Variants in DIP2B observed in about 807,000 individuals in gnomAD.
DIP2B encodes disco-interacting protein 2 homolog B.
A neutral mutation model predicts 198.0 loss-of-function variants in DIP2B; 76 were observed. The ratio of observed to expected loss-of-function variants is 0.38; its 90% CI spans 0.32 to 0.46. The LOEUF is 0.46. Ranked by LOEUF, DIP2B falls within the 20% of genes least tolerant of loss-of-function variation. The pLI, the probability that DIP2B is intolerant of heterozygous loss-of-function variation, is 0.99. For synonymous variants in DIP2B, 701 were observed against 739.1 expected (o/e 0.95, Z 0.84); for missense variants, 1,559 against 1,978.4 (o/e 0.79, Z 4.02).
intron 1 of DIP2B, among the ~76,000 whole-genome samples, chr12:50,545,565 T>TA (rs1465640990): frequency 1.3e-5 from 2 of 152,000 alleles, no homozygotes; most frequent in East Asian, 3.9e-4. Flanking sequence ...TTTTTACAGA[T>TA]AGTGTCTTGC....
chr12:50,736,542 CT>C (rs1384688563), intron 34 of DIP2B, among the ~76,000 whole-genome samples: 2 of 152,094 alleles, frequency 1.3e-5, no homozygotes, highest in African/African-American at 4.8e-5. Flanking sequence ...CAAGGATATC[CT>C]TCTGTCCTGC....
intron 1 of DIP2B, among the ~76,000 whole-genome samples, chr12:50,581,451 C>T (rs1023922562): frequency 7.4e-5 from 11 of 149,354 alleles, no homozygotes; most frequent in African/African-American, 2.7e-4. Context: ...TTCTTTCCGG[C>T]TGTATGCTGT....
At chr12:50,536,460 G>GA (rs1173600866) in intron 1 of DIP2B, among the ~76,000 whole-genome samples, 4 of 151,934 alleles carry the variant, frequency 2.6e-5, no homozygotes, top group Non-Finnish European at 5.9e-5. Flanking sequence ...TAAGAAAGAA[G>GA]AAAAAATCAA....
At chr12:50,657,971 T>C (rs1403769472) in intron 3 of DIP2B, among the ~76,000 whole-genome samples, 2 of 151,932 alleles carry the variant, frequency 1.3e-5, no homozygotes, top group Non-Finnish European at 2.9e-5. Flanking sequence ...TGTATCAATG[T>C]TGAATTTCTG....
intron 22 of DIP2B, among the ~76,000 whole-genome samples, chr12:50,709,425 G>A (rs1939572259): frequency 6.6e-6 from 1 of 151,886 alleles, no homozygotes; most frequent in African/African-American, 2.4e-5. Context: ...GAGGTCAGGA[G>A]ATCGAGACCA....
chr12:50,641,004 C>A, intron 3 of DIP2B, 152 bp downstream of exon 3: 2 of 1,014,030 alleles, frequency 2.0e-6, no homozygotes, highest in Non-Finnish European at 2.8e-6. Flanking sequence ...TATTTTGTAC[C>A]CTACTATGTA....
rs1940202928 is a variant in DIP2B, at chr12:50,739,580, A to G, written c.4348A>G (p.Thr1450Ala). 3 of 1,613,286 alleles carry G rather than the reference A, an allele frequency of 1.9e-6. No individual in the cohort carries two copies. Among genetic ancestry groups the G allele is most frequent in the Non-Finnish European group, 2.5e-6 (3 of 1,179,306 alleles). Reference sequence around the variant, plus strand: ...CCGCCGGACCGAGCTCACAGCGGCCACTGGAGGTACTTCTGCAACAACTCC... The same window carrying G: ...CCGCCGGACCGAGCTCACAGCGGCCGCTGGAGGTACTTCTGCAACAACTCC... The part of the protein sequence containing the change: ...FVRRTELTAA[T>A]GERHDALYVV... The change falls in exon 36 of 38, where the codon ACT (threonine) becomes GCT (alanine). Residue 1450 changes from threonine (T) to alanine (A), a missense_variant. Transcript: ENST00000301180.
chr12:50,744,518 G>C, intron 37 of DIP2B, 69 bp from the exon 38 acceptor site: 1 of 1,590,692 alleles, frequency 6.3e-7, no homozygotes, highest in African/African-American at 1.3e-5. Flanking sequence ...GGCTAAGTCT[G>C]GGACAGATGC....
chr12:50,513,381 C>T (rs1022404773), intron 1 of DIP2B, among the ~76,000 whole-genome samples: 2 of 152,094 alleles, frequency 1.3e-5, no homozygotes, highest in South Asian at 2.1e-4. Context: ...ACAGACATCT[C>T]GCATATGTAC....
At chr12:50,678,480 G>A (rs938785503) in intron 7 of DIP2B, among the ~76,000 whole-genome samples, 199 bp from the exon 8 acceptor site, 4 of 152,236 alleles carry the variant, frequency 2.6e-5, no homozygotes, top group African/African-American at 4.8e-5. Flanking sequence ...TGCATAAAAC[G>A]AATATGATTT....
At chr12:50,744,250 T>A (rs1167479756) in intron 37 of DIP2B, among the ~76,000 whole-genome samples, 1 of 152,082 alleles carries the variant, frequency 6.6e-6, no homozygotes, top group Admixed American at 6.6e-5. Context: ...GATCCGCCCA[T>A]GTCGGCCTCC....
intron 7 of DIP2B, among the ~76,000 whole-genome samples, chr12:50,677,855 G>T (rs536448572): frequency 6.6e-6 from 1 of 151,984 alleles, no homozygotes; most frequent in South Asian, 2.1e-4. Flanking sequence ...AGCCAGTAAG[G>T]GGAGTAAGAG....
intron 28 of DIP2B, among the ~76,000 whole-genome samples, chr12:50,725,415 A>G (rs1302806101): frequency 6.6e-6 from 1 of 152,206 alleles, no homozygotes; most frequent in Non-Finnish European, 1.5e-5. Flanking sequence ...CGAAAGCCAT[A>G]AAGTGCAGAA....
intron 12 of DIP2B, among the ~76,000 whole-genome samples, chr12:50,688,040 G>A (rs1463586014): frequency 2.0e-5 from 3 of 151,818 alleles, no homozygotes; most frequent in Admixed American, 6.6e-5. Flanking sequence ...GTGAAACCCC[G>A]TTTCTACTAA....
intron 1 of DIP2B, among the ~76,000 whole-genome samples, chr12:50,591,314 C>T (rs1406253075): frequency 6.6e-6 from 1 of 151,982 alleles, no homozygotes; most frequent in Non-Finnish European, 1.5e-5. Flanking sequence ...TGAAGTTATT[C>T]TAGCCTTTTA....
intron 35 of DIP2B, among the ~76,000 whole-genome samples, chr12:50,739,101 C>T (rs1407501766): frequency 6.6e-6 from 1 of 152,158 alleles, no homozygotes; most frequent in East Asian, 1.9e-4. Flanking sequence ...GCACGGCCTC[C>T]GGAGCCACAC....
intron 1 of DIP2B, among the ~76,000 whole-genome samples, chr12:50,589,713 AC>A (rs1476533088): frequency 5.9e-5 from 9 of 152,158 alleles, no homozygotes; most frequent in African/African-American, 1.7e-4. Flanking sequence ...GACCATTGAC[AC>A]AGGCAAGCAG....
At chr12:50,694,465 A>G (rs1939270922) in intron 14 of DIP2B, among the ~76,000 whole-genome samples, 1 of 151,926 alleles carries the variant, frequency 6.6e-6, no homozygotes, top group African/African-American at 2.4e-5. Context: ...ACTGTACTCT[A>G]GCCTGGGCAA....
rs1335773005 is a variant in DIP2B at position 50,691,108 on chromosome 12, G to A, written c.1611G>A (p.Leu537=). The A allele has an allele frequency of 1.2e-6, 2 of 1,613,966 alleles. No homozygotes were observed. The highest frequency in any genetic ancestry group is 1.7e-6 in the Non-Finnish European group (2 of 1,180,008). ...TTACAGTATCCCGGCTTGCAATGTT[G>A]TCTCACTGCCAAGCTCTGTCGCAGG... ...MGVTVSRLAM[L]SHCQALSQAC... is the part of the protein sequence containing the mutation. Residue 537 remains leucine (L), a synonymous_variant, in exon 13 of 38, where the codon TTG becomes TTA. Coordinates refer to ENST00000301180, the MANE Select transcript of DIP2B (RefSeq NM_173602.3).
Sources: gnomAD v4.1 joint callset for allele counts (sites outside exome capture counted in the v4.1 genomes callset) on GRCh38, gnomAD v4.1.1 for gene constraint, MANE v1.5 for transcripts, NCBI Gene and HGNC (gene_info 2026-07-23, HGNC 2026-07-21) for gene names.